The following USP24 variants were observed in gnomAD, a reference collection of about 807,000 sequenced individuals.
USP24 encodes ubiquitin specific peptidase 24.
USP24 carries 97 observed loss-of-function variants against 361.6 expected under a neutral mutation model. The ratio of observed to expected loss-of-function variants is 0.27; its 90% CI spans 0.23 to 0.32. The LOEUF (loss-of-function observed/expected upper bound fraction) is 0.32. Among genes scored for constraint, USP24 ranks in the 10% least tolerant of loss-of-function variants. The probability of loss-of-function intolerance (pLI) is 1.00; values close to 1 mark genes in which losing one functional copy is unlikely to be tolerated. For missense variants in USP24, 2,353 were observed against 3,165.6 expected (o/e 0.74, Z 6.16); for synonymous variants, 1,098 against 1,124.6 (o/e 0.98, Z 0.47).
At chr1:55,071,137 C>A in intron 67 of USP24, 1 of 985,078 alleles carries the variant, frequency 1.0e-6, no homozygotes, top group Non-Finnish European at 1.2e-6. Flanking sequence ...AAAAATGACA[C>A]CTACTACATC....
At chr1:55,206,313 A>G (rs2100938534) in intron 1 of USP24, among the ~76,000 whole-genome samples, 1 of 152,328 alleles carries the variant, frequency 6.6e-6, no homozygotes, top group East Asian at 1.9e-4. Context: ...GTGTACATGC[A>G]AAATGCAGTG....
Position 55,214,877 on chromosome 1 carries a change from GCCGCCGTCACCT to G in USP24, c.225_236del (p.Asp77_Gly80del). The stretch of plus-strand genomic sequence containing the variant: ...TCCCGCCGCGGGAGGGGCCGCCGCC[GCCGCCGTCACCT>G]CCGCCGTCGCCCCGCGGGCCCCCGC... On this transcript the variant is annotated inframe_deletion, in exon 1 of 68. Coordinates refer to ENST00000294383, the MANE Select transcript of USP24 (RefSeq NM_015306.3). 1.6e-6 allele frequency: 2 copies of G among 1,222,016 alleles called. No homozygotes were observed. Among genetic ancestry groups the G allele is most frequent in the Non-Finnish European group, 2.0e-6 (2 of 975,956 alleles). 75.7% of individuals were successfully genotyped at this position (1,222,016 alleles called of 1,614,324 possible). A position where few individuals can be genotyped will look rare whatever the true frequency, so the allele number is the denominator to read the frequency against.
intron 38 of USP24, among the ~76,000 whole-genome samples, chr1:55,112,670 T>A (rs1189697916): frequency 6.6e-6 from 1 of 152,022 alleles, no homozygotes; most frequent in East Asian, 1.9e-4. Flanking sequence ...TGCTGAGGAG[T>A]GTTTTACTTC....
intron 7 of USP24, among the ~76,000 whole-genome samples, chr1:55,165,198 C>T (rs971201537): frequency 6.6e-6 from 1 of 152,126 alleles, no homozygotes; most frequent in Non-Finnish European, 1.5e-5. Context: ...TATTTTAACA[C>T]ATTATTTTCT....
At chr1:55,094,224 C>T in intron 51 of USP24, 137 bp from the exon 52 acceptor site, 1 of 814,748 alleles carries the variant, frequency 1.2e-6, no homozygotes. Context: ...AAAACTGTAC[C>T]ACATAAATAT....
chr1:55,215,051 G>A lies in USP24; in HGVS notation c.63C>T (p.Ala21=). Residue 21 remains alanine (A), a synonymous_variant, in exon 1 of 68, where the codon GCC becomes GCT. Transcript: ENST00000294383. ...TLLCMGFSDP[A]TIRKALRLAK... ...CCAGGCGCAGGGCCTTGCGGATGGT[G>A]GCGGGGTCTGAGAAGCCCATGCACA... 1 of 1,466,068 alleles carries A rather than the reference G, an allele frequency of 6.8e-7. No homozygotes were observed. Among genetic ancestry groups the A allele is most frequent in the Non-Finnish European group, 9.0e-7 (1 of 1,106,098 alleles). The allele number at this position is 1,466,068 out of a possible 1,614,324, so 90.8% of individuals were successfully genotyped here.
At position 55,096,917 on chromosome 1, in the gene USP24, GA is replaced by G. The variant is rs764747335; in HGVS notation, c.5936+34del. 13 of 1,597,508 alleles carry G rather than the reference GA, an allele frequency of 8.1e-6. No homozygotes were observed. The South Asian group carries it at 1.2e-4, about 15-fold the overall frequency. On this transcript the variant is annotated intron_variant, in intron 49 of 67. Coordinates refer to ENST00000294383, the MANE Select transcript of USP24 (RefSeq NM_015306.3). ...TGATAACGGAGAGCAGGGGAGGGCAGAAAGTGAGTAAGTGCTGCCTCAGGAA... is the reference window on the plus strand; with the variant it reads ...TGATAACGGAGAGCAGGGGAGGGCAGAAGTGAGTAAGTGCTGCCTCAGGAA...
chr1:55,170,469 G>A (rs1292724562), intron 5 of USP24, among the ~76,000 whole-genome samples: 1 of 152,148 alleles, frequency 6.6e-6, no homozygotes, highest in Non-Finnish European at 1.5e-5. Context: ...AGCATTTGGG[G>A]AGGCAATACT....
intron 38 of USP24, among the ~76,000 whole-genome samples, chr1:55,118,388 A>C (rs185333320): frequency 1.3e-5 from 2 of 152,376 alleles, no homozygotes; most frequent in East Asian, 3.9e-4. Flanking sequence ...GCACTGGGAA[A>C]ACTGGATATT....
chr1:55,171,825 G>A, intron 4 of USP24, 147 bp from the exon 5 acceptor site: 1 of 868,052 alleles, frequency 1.2e-6, no homozygotes, highest in Non-Finnish European at 1.7e-6. Context: ...GCCTTAGCTA[G>A]TGCAAAAGTG....
rs559190962 is a variant in USP24 at position 55,072,639 on chromosome 1, A to C, written c.7602+147T>G. ...ATGTATTAGGACAAATTTAATGCAC[A>C]CAAGATATAAACTGTAGCAAAGAAA... is the stretch of plus-strand genomic sequence containing the variant. On this transcript the variant is annotated intron_variant, in intron 65 of 67. Transcript: ENST00000294383. The C allele has an allele frequency of 1.1e-4, 93 of 875,652 alleles. No homozygotes were observed. The South Asian group carries it at 1.6e-3, about 15-fold the overall frequency. 54.2% of individuals were successfully genotyped at this position (875,652 alleles called of 1,614,324 possible).
At chr1:55,176,272 G>T in intron 3 of USP24, 104 bp downstream of exon 3, 1 of 870,612 alleles carries the variant, frequency 1.1e-6, no homozygotes, top group South Asian at 2.0e-5. Context: ...TTCATAAACT[G>T]GTCTTATACA....
intron 59 of USP24, among the ~76,000 whole-genome samples, chr1:55,080,598 CAAT>C (rs1645130507): frequency 6.6e-6 from 1 of 152,014 alleles, no homozygotes; most frequent in Non-Finnish European, 1.5e-5. Context: ...GCTTTAAACA[CAAT>C]AAATTTAAAG....
chr1:55,143,350 G>A (rs116682427), intron 21 of USP24, among the ~76,000 whole-genome samples: 1 of 152,188 alleles, frequency 6.6e-6, no homozygotes, highest in African/African-American at 2.4e-5. Flanking sequence ...TAGGTACAGA[G>A]ATATCTCTTC....
At position 55,125,432 on chromosome 1, in the gene USP24, T is replaced by C. The variant is rs751086417; in HGVS notation, c.3848A>G (p.Gln1283Arg). The C allele has an allele frequency of 6.2e-7, 1 of 1,613,992 alleles. No individual in the cohort carries two copies. Among genetic ancestry groups the C allele is most frequent in the South Asian group, 1.1e-5 (1 of 91,082 alleles). The change falls in exon 34 of 68, where the codon CAG becomes CGG. Residue 1283 changes from glutamine to arginine, a missense_variant. By Grantham distance (43) the Gln-to-Arg change is conservative. Transcript: ENST00000294383. The stretch of plus-strand genomic sequence containing the variant: ...TTCTGGGGTACCACATAAGGACATC[T>C]GTCTGCTTGTCTGCCGGCTGACATT... ...FRNVSRQTSR[Q>R]MSLCGTPEKS...
In USP24 at chr1:55,142,974, C is replaced by T; in HGVS notation, c.2580+5G>A. 2 of 1,494,680 alleles carry T rather than the reference C, an allele frequency of 1.3e-6. No homozygotes were observed. Among genetic ancestry groups the T allele is most frequent in the Non-Finnish European group, 1.8e-6 (2 of 1,111,374 alleles). 92.6% of individuals were successfully genotyped at this position (1,494,680 alleles called of 1,614,324 possible). On this transcript the variant is annotated splice_donor_5th_base_variant and intron_variant, in intron 22 of 67. Transcript: ENST00000294383. ...TATGGATAACTTCTTTCCTTAGATA[C>T]CTACCTTCTTTAATCTAGGATTTAG...
chr1:55,074,541 G>A, intron 63 of USP24, among the ~76,000 whole-genome samples: 1 of 152,036 alleles, frequency 6.6e-6, no homozygotes, highest in Admixed American at 6.6e-5. Context: ...GGCTGAGGTG[G>A]GAGGATCACT....
intron 58 of USP24, 67 bp from the exon 59 acceptor site, chr1:55,081,491 A>G (rs559786110): frequency 1.4e-6 from 2 of 1,426,960 alleles, no homozygotes; most frequent in Non-Finnish European, 2.0e-6. Context: ...AGGAAGGGAC[A>G]GGGTTTGCTG....
At chr1:55,202,768 T>A (rs1028690064) in intron 1 of USP24, among the ~76,000 whole-genome samples, 3 of 152,192 alleles carry the variant, frequency 2.0e-5, no homozygotes, top group Non-Finnish European at 4.4e-5. Context: ...GTGGATAGAC[T>A]CAGGCAGGGG....
Sources: allele counts gnomAD v4.1 joint callset (sites outside exome capture counted in the v4.1 genomes callset), GRCh38; gene constraint gnomAD v4.1.1; transcripts MANE v1.5; gene names NCBI Gene and HGNC (gene_info 2026-07-23, HGNC 2026-07-21).